TMEM178B: variants seen among roughly 807,000 people sequenced by gnomAD.
The protein encoded by TMEM178B is transmembrane protein 178B.
TMEM178B carries 5 observed loss-of-function variants against 31.0 expected under a neutral mutation model. The observed-to-expected ratio is 0.16, with a 90% CI of 0.08 to 0.34. TMEM178B has a LOEUF of 0.34. Ranked by LOEUF, TMEM178B falls within the 10% of genes least tolerant of loss-of-function variation. The pLI is 1.00. For synonymous variants in TMEM178B, 164 were observed against 164.0 expected (o/e 1.00, Z 0.00); for missense variants, 275 against 400.3 (o/e 0.69, Z 2.67).
chr7:141,225,966 G>T (rs1563123879), intron 2 of TMEM178B, among the ~76,000 whole-genome samples: 1 of 152,118 alleles, frequency 6.6e-6, no homozygotes, highest in Non-Finnish European at 1.5e-5. Context: ...GAGGCTCTTT[G>T]CTTGGGCGCC....
chr7:141,226,859 G>GAA (rs35251476), intron 2 of TMEM178B, among the ~76,000 whole-genome samples: 3 of 37,332 alleles, frequency 8.0e-5, no homozygotes, highest in Admixed American at 2.7e-4. Context: ...CTACCACTCT[G>GAA]AAAAAAAAAA....
chr7:141,262,605 G>A (rs989234345), intron 2 of TMEM178B, among the ~76,000 whole-genome samples: 1 of 151,272 alleles, frequency 6.6e-6, no homozygotes, highest in East Asian at 1.9e-4. Flanking sequence ...GATTCAGCTG[G>A]CAATTTGCTA....
At chr7:141,454,982 G>C (rs1801937560) in intron 3 of TMEM178B, among the ~76,000 whole-genome samples, 1 of 151,906 alleles carries the variant, frequency 6.6e-6, no homozygotes, top group South Asian at 2.1e-4. Context: ...TTGGGGGAGG[G>C]CCTGAAGGGA....
chr7:141,436,819 A>G (rs1005768695), intron 2 of TMEM178B, among the ~76,000 whole-genome samples: 8 of 152,032 alleles, frequency 5.3e-5, no homozygotes, highest in Non-Finnish European at 1.0e-4. Flanking sequence ...TTTCCAGACA[A>G]CCCTCTTCCT....
intron 2 of TMEM178B, among the ~76,000 whole-genome samples, chr7:141,321,840 C>T (rs984494394): frequency 6.8e-6 from 1 of 147,420 alleles, no homozygotes. Flanking sequence ...AAAAAAAAAG[C>T]TCTCTAGGTG....
chr7:141,074,338 A>G lies in TMEM178B; in HGVS notation c.28A>G (p.Thr10Ala), dbSNP rs1200201471. Residue 10 changes from threonine to alanine, a missense_variant, in exon 1 of 4, where the codon ACT (threonine) becomes GCT (alanine). Physicochemically the swap from Thr to Ala is moderately conservative, Grantham distance 58 (BLOSUM62 0). Transcript: ENST00000565468. The surrounding 1 kb of genome is among the most constrained non-coding windows in gnomAD (Gnocchi z 5.1). ...GGCTGCCGGAAGGTTACTGCTCTAC[A>G]CTGGCCTCTCGCTAGCGCTCTGCGC... is the stretch of plus-strand genomic sequence containing the variant. MAAGRLLLY[T>A]GLSLALCALG... is the part of the protein sequence containing the mutation. 1 of 1,535,794 alleles carries G rather than the reference A, an allele frequency of 6.5e-7. No individual in the cohort carries two copies. The highest frequency in any genetic ancestry group is 1.2e-5 in the South Asian group (1 of 84,032).
intron 1 of TMEM178B, among the ~76,000 whole-genome samples, chr7:141,207,190 C>A (rs572595106): frequency 6.6e-6 from 1 of 152,330 alleles, no homozygotes; most frequent in African/African-American, 2.4e-5. Flanking sequence ...TTTCCCTTAT[C>A]CTTCATCTGC....
Position 141,280,585 on chromosome 7 carries a change from C to A in TMEM178B, c.496+67881C>A, listed in dbSNP as rs571164997. Among the ~76,000 whole-genome samples the A allele has an allele frequency of 2.0e-5, 3 of 152,294 alleles. No individual in the cohort carries two copies. The East Asian group carries it at 5.8e-4, about 29-fold the overall frequency. On this transcript the variant is annotated intron_variant, in intron 2 of 3. Coordinates refer to ENST00000565468, the MANE Select transcript of TMEM178B (RefSeq NM_001195278.2). Reference sequence around the variant, plus strand: ...ACGTGGAACTGTGAGTCTGTTAAACCCATTTTTCTTTAAAAATTACCCAGT... The same window carrying A: ...ACGTGGAACTGTGAGTCTGTTAAACACATTTTTCTTTAAAAATTACCCAGT...
chr7:141,242,034 G>A (rs1474716404), intron 2 of TMEM178B, among the ~76,000 whole-genome samples: 2 of 152,118 alleles, frequency 1.3e-5, no homozygotes, highest in Non-Finnish European at 2.9e-5. Context: ...AATTGAAAAT[G>A]TGAATGCACA....
the TMEM178B span, among the ~76,000 whole-genome samples, chr7:141,490,631 C>T: frequency 3.3e-5 from 5 of 152,190 alleles, no homozygotes; most frequent in African/African-American, 1.2e-4. Flanking sequence ...CCAGCAAGCT[C>T]GTACACCTAT....
At chr7:141,244,258 G>A (rs576055436) in intron 2 of TMEM178B, among the ~76,000 whole-genome samples, 9 of 152,258 alleles carry the variant, frequency 5.9e-5, no homozygotes, top group South Asian at 4.1e-4. Context: ...GGTGTAAAAC[G>A]TAACTCACGA....
chr7:141,485,851 G>A, the TMEM178B span, among the ~76,000 whole-genome samples: 4 of 152,160 alleles, frequency 2.6e-5, no homozygotes, highest in Admixed American at 6.5e-5. Flanking sequence ...TCCCCTGTCC[G>A]GTGGCTGGGA....
rs565710680 is a variant in TMEM178B, at chr7:141,134,501, A to G, written c.382+59809A>G. On this transcript the variant is annotated intron_variant, in intron 1 of 3. Transcript: ENST00000565468. ...AATATCTACCATCATGAAAACACAC[A>G]AAAGTATGAAAGCAGGTGGTAGAGC... Among the ~76,000 whole-genome samples the G allele has an allele frequency of 7.2e-5, 11 of 152,326 alleles. No individual in the cohort carries two copies. In the East Asian group the frequency reaches 2.1e-3, roughly 29 times the overall value.
rs763170388 is a variant in TMEM178B at position 141,411,512 on chromosome 7, C to A, written c.497-26096C>A. 9.2e-5 allele frequency among the ~76,000 whole-genome samples: 14 copies of A among 152,046 alleles called. 1 individual carries two copies. The highest frequency in any genetic ancestry group is 3.9e-4 in the Admixed American group (6 of 15,260). ...GCCCCAAATGAGCATTTGTAAAAAA[C>A]CAAAAAATGTAAAAATAACTTTTTA... On this transcript the variant is annotated intron_variant, in intron 2 of 3. Transcript: ENST00000565468.
At chr7:141,283,640 G>A (rs1279184885) in intron 2 of TMEM178B, among the ~76,000 whole-genome samples, 2 of 152,168 alleles carry the variant, frequency 1.3e-5, no homozygotes, top group Non-Finnish European at 2.9e-5. Flanking sequence ...TGTTCTTCCT[G>A]AGGCAGCCAC....
At chr7:141,297,803 G>C (rs946857945) in intron 2 of TMEM178B, among the ~76,000 whole-genome samples, 28 of 152,268 alleles carry the variant, frequency 1.8e-4, no homozygotes, top group African/African-American at 6.7e-4. Flanking sequence ...TGTGAATAGT[G>C]CTGCAATAAA....
intron 2 of TMEM178B, among the ~76,000 whole-genome samples, chr7:141,430,501 A>G (rs1801405013): frequency 6.6e-6 from 1 of 152,182 alleles, no homozygotes; most frequent in African/African-American, 2.4e-5. Context: ...CACATGTGGA[A>G]ACAGACCCAG....
intron 3 of TMEM178B, among the ~76,000 whole-genome samples, chr7:141,444,829 C>T (rs955895981): frequency 2.6e-5 from 4 of 151,884 alleles, no homozygotes; most frequent in South Asian, 2.1e-4. Flanking sequence ...TGTTCAACCC[C>T]GTGTTGAAGA....
chr7:141,410,307 A>T (rs1473379214), intron 2 of TMEM178B, among the ~76,000 whole-genome samples: 2 of 152,134 alleles, frequency 1.3e-5, no homozygotes, highest in Admixed American at 1.3e-4. Flanking sequence ...CCCACCAAAC[A>T]AAACTCCCTG....
Sources: allele counts gnomAD v4.1 joint callset (sites outside exome capture counted in the v4.1 genomes callset), GRCh38; gene constraint gnomAD v4.1.1; non-coding constraint Gnocchi (gnomAD v3.1); transcripts MANE v1.5; gene names NCBI Gene and HGNC (gene_info 2026-07-23, HGNC 2026-07-21).